Variants in CCDC142 observed in about 807,000 individuals in gnomAD.
CCDC142 encodes coiled-coil domain-containing protein 142.
Under a neutral mutation model 83.8 loss-of-function variants are expected in CCDC142, and 67 were observed. The ratio of observed to expected loss-of-function variants is 0.80; its 90% CI spans 0.66 to 0.98. The LOEUF (loss-of-function observed/expected upper bound fraction) is 0.98. Among genes scored for constraint, CCDC142 ranks in the 50% least tolerant of loss-of-function variants. CCDC142 has a pLI of 0.00. For missense variants in CCDC142, 905 were observed against 946.8 expected (o/e 0.96, Z 0.58); for synonymous variants, 421 against 421.2 (o/e 1.00, Z 0.01).
chr2:74,478,948 C>A (rs141511394), intron 5 of CCDC142, among the ~76,000 whole-genome samples: 1,755 of 151,620 alleles, frequency 0.012, 37 homozygotes, highest in African/African-American at 0.04. Flanking sequence ...ATCACTTGAA[C>A]CTGAGAGGTG....
chr2:74,475,007 G>A lies in CCDC142; in HGVS notation c.1905C>T (p.Leu635=), dbSNP rs367735887. Residue 635 remains leucine, a synonymous_variant, in exon 8 of 9, where the codon CTC becomes CTT. Coordinates refer to ENST00000393965, the MANE Select transcript of CCDC142 (RefSeq NM_001365575.2). ...CCCCATCCAGCTGCTGGAAGATGCT[G>A]AGCATGAGCAGGGTCTGGCGGAGAT... ...SPDLRQTLLM[L]SIFQQLDGAL... is the part of the protein sequence containing the mutation. 3.7e-6 allele frequency: 6 copies of A among 1,614,062 alleles called. No homozygotes were observed. The highest frequency in any genetic ancestry group is 5.1e-6 in the Non-Finnish European group (6 of 1,179,962).
Position 74,482,434 on chromosome 2 carries a change from C to A in CCDC142, c.404G>T (p.Ser135Ile). ...GTCGCGGCACCACTGGGGCAAGGGG[C>A]TAGGGCCGCCGGATGGCGAGCCAGG... ...LSPGSPSGGP[S>I]PLPQWCRDLQ... The change falls in exon 1 of 9, where the codon AGC becomes ATC. Residue 135 changes from serine to isoleucine, a missense_variant. This residue lies in a region of CCDC142 where 591 missense variants were observed against 571.4 expected (regional missense o/e 1.03). Transcript: ENST00000393965. This position sits in a 1 kb window ranked among gnomAD's most constrained non-coding sequence, Gnocchi z 5.0. 1 of 1,555,118 alleles carries A rather than the reference C, an allele frequency of 6.4e-7. No homozygotes were observed. Among genetic ancestry groups the A allele is most frequent in the Non-Finnish European group, 8.7e-7 (1 of 1,149,224 alleles).
At chr2:74,481,705 T>G in intron 1 of CCDC142, 112 bp downstream of exon 1, 1 of 1,396,930 alleles carries the variant, frequency 7.2e-7, no homozygotes, top group Non-Finnish European at 9.9e-7. Flanking sequence ...AACCCAGGGG[T>G]GTTCTTTCTA....
At chr2:74,480,347 G>A (rs1672413076) in intron 5 of CCDC142, among the ~76,000 whole-genome samples, 1 of 152,144 alleles carries the variant, frequency 6.6e-6, no homozygotes, top group Admixed American at 6.6e-5. Flanking sequence ...CCAGCACTTT[G>A]GGAGACCAAG....
Position 74,482,962 on chromosome 2 carries a change from T to C in CCDC142, c.-125A>G, listed in dbSNP as rs1672593633. ...TCCAGTCCGGGAGTCGCGGGGACCT[T>C]CATGGACTCTCTCGTGCTCCGTAAT... On this transcript the variant is annotated 5_prime_UTR_variant, in exon 1 of 9. Transcript: ENST00000393965. This position sits in a 1 kb window ranked among gnomAD's most constrained non-coding sequence, Gnocchi z 5.0. 1 of 1,560,714 alleles carries C rather than the reference T, an allele frequency of 6.4e-7. No homozygotes were observed. The highest frequency in any genetic ancestry group is 8.8e-7 in the Non-Finnish European group (1 of 1,139,918).
intron 5 of CCDC142, among the ~76,000 whole-genome samples, chr2:74,476,677 C>T (rs1465872004): frequency 1.3e-5 from 2 of 152,186 alleles, no homozygotes; most frequent in Non-Finnish European, 2.9e-5. Flanking sequence ...GGCCTATATG[C>T]TGGGTTTGTT....
In CCDC142 at chr2:74,474,422, T is replaced by C; in HGVS notation, c.*124A>G. ...TTAAGCCCAGGCTCTTTGTAGCTTATTCTCCAGTATGCTTTCCTCCAAGCT... is the reference window on the plus strand; with the variant it reads ...TTAAGCCCAGGCTCTTTGTAGCTTACTCTCCAGTATGCTTTCCTCCAAGCT... On this transcript the variant is annotated 3_prime_UTR_variant, in exon 9 of 9. Transcript: ENST00000393965. 2 of 1,250,320 alleles carry C rather than the reference T, an allele frequency of 1.6e-6. No homozygotes were observed. Among genetic ancestry groups the C allele is most frequent in the East Asian group, 2.4e-5 (1 of 41,044 alleles). The allele number at this position is 1,250,320 out of a possible 1,614,324, so 77.5% of individuals were successfully genotyped here.
rs1386280521 is a variant in CCDC142, at chr2:74,482,892, CG to C, written c.-56del. 2 of 1,567,118 alleles carry C rather than the reference CG, an allele frequency of 1.3e-6. No homozygotes were observed. The highest frequency in any genetic ancestry group is 1.7e-6 in the Non-Finnish European group (2 of 1,160,730). ...ATTCCCACTTCCCTGCACGGACCAA[CG>C]CCCGCCGCAGCTCGGACTTCGCCCC... On this transcript the variant is annotated 5_prime_UTR_variant, in exon 1 of 9. The change abolishes the stop of an existing upstream ORF in the 5' untranslated region. Transcript: ENST00000393965. This position sits in a 1 kb window ranked among gnomAD's most constrained non-coding sequence, Gnocchi z 5.0.
chr2:74,476,652 C>T (rs186540421), intron 5 of CCDC142, among the ~76,000 whole-genome samples: 1 of 152,282 alleles, frequency 6.6e-6, no homozygotes, highest in East Asian at 1.9e-4. Context: ...CAATATAACC[C>T]ATAAAGCAAG....
rs1672516595 is a variant in CCDC142 at position 74,482,172 on chromosome 2, G to T, written c.666C>A (p.His222Gln). 4.3e-6 allele frequency: 7 copies of T among 1,613,724 alleles called. No homozygotes were observed. The highest frequency in any genetic ancestry group is 5.9e-6 in the Non-Finnish European group (7 of 1,179,938). ...YHTLQRKALS[H>Q]VPGAARPFPT... ...GGAAAGGACGTGCGGCCCCTGGGAC[G>T]TGGCTCAAGGCTTTTCTCTGTAGTG... The change falls in exon 1 of 9, where the codon CAC becomes CAA. Residue 222 changes from histidine to glutamine, a missense_variant. Transcript: ENST00000393965. This position sits in a 1 kb window ranked among gnomAD's most constrained non-coding sequence, Gnocchi z 5.0.
chr2:74,475,235 T>C lies in CCDC142; in HGVS notation c.1786A>G (p.Ile596Val). 1 of 1,614,060 alleles carries C rather than the reference T, an allele frequency of 6.2e-7. No homozygotes were observed. The highest frequency in any genetic ancestry group is 8.5e-7 in the Non-Finnish European group (1 of 1,180,002). ...AWLDHILTHGIRFSLQGALQL... is the reference protein window; with the variant it reads ...AWLDHILTHGVRFSLQGALQL... The stretch of plus-strand genomic sequence containing the variant: ...ACCTTTACTCCTGACCTGAACCGAA[T>C]CCCATGGGTAAGAATGTGGTCAAGC... The change falls in exon 7 of 9, where the codon ATT becomes GTT. Residue 596 changes from isoleucine (I) to valine (V), a missense_variant. Physicochemically the swap from Ile to Val is conservative, Grantham distance 29 (BLOSUM62 3). Transcript: ENST00000393965.
At chr2:74,476,128 G>A (rs1672320525) in intron 5 of CCDC142, among the ~76,000 whole-genome samples, 1 of 146,552 alleles carries the variant, frequency 6.8e-6, no homozygotes, top group South Asian at 2.2e-4. Context: ...AAGAGGGATT[G>A]TATGATCTGC....
At chr2:74,477,264 C>A (rs1413709349) in intron 5 of CCDC142, among the ~76,000 whole-genome samples, 2 of 152,090 alleles carry the variant, frequency 1.3e-5, no homozygotes, top group Non-Finnish European at 2.9e-5. Flanking sequence ...ATTACAGGCA[C>A]CCGTCACCAT....
Position 74,482,599 on chromosome 2 carries a change from C to T in CCDC142, c.239G>A (p.Gly80Asp), listed in dbSNP as rs1223899303. 6.2e-7 allele frequency: 1 copy of T among 1,604,412 alleles called. No individual in the cohort carries two copies. Among genetic ancestry groups the T allele is most frequent in the East Asian group, 2.2e-5 (1 of 44,710 alleles). Residue 80 changes from glycine (G) to aspartate (D), a missense_variant, in exon 1 of 9, where the codon GGT becomes GAT. Gly to Asp is a moderately conservative substitution (Grantham distance 94, BLOSUM62 -1). Transcript: ENST00000393965. The surrounding 1 kb of genome is among the most constrained non-coding windows in gnomAD (Gnocchi z 5.0). ...CAGCGCGGGAGGGATCGGGCCGCCA[C>T]CTGCGGGCCCCCGCCTCCAGGCCGC... ...DAAAWRRGPA[G>D]GGPIPPALQR...
At chr2:74,477,971 C>G (rs1270374478) in intron 5 of CCDC142, among the ~76,000 whole-genome samples, 1 of 143,954 alleles carries the variant, frequency 6.9e-6, no homozygotes, top group African/African-American at 2.6e-5. Context: ...GGCTATGTCA[C>G]GAGCCAAACT....
rs906647640 is a variant in CCDC142 at position 74,472,962 on chromosome 2, G to A, written c.*1584C>T. On this transcript the variant is annotated 3_prime_UTR_variant, in exon 9 of 9. Coordinates refer to ENST00000393965, the MANE Select transcript of CCDC142 (RefSeq NM_001365575.2). ...CAAAAACCTCTTTGCACGAAAATAC[G>A]CCCGTTTTCTGCAGCCTTTCCCCTT... is the stretch of plus-strand genomic sequence containing the variant. The A allele has an allele frequency of 4.4e-6, 2 of 453,138 alleles. No homozygotes were observed. The highest frequency in any genetic ancestry group is 4.0e-5 in the African/African-American group (2 of 50,068). 28.1% of individuals were successfully genotyped at this position (453,138 alleles called of 1,614,324 possible).
rs1672559585 is a variant in CCDC142 at position 74,482,575 on chromosome 2, A to G, written c.263T>C (p.Leu88Pro). ...PAGGGPIPPA[L>P]QRLRAVLLRL... ...CAGCAACACCGCCCGGAGACGCTGC[A>G]GCGCGGGAGGGATCGGGCCGCCACC... The change falls in exon 1 of 9, where the codon CTG (leucine) becomes CCG (proline). Residue 88 changes from leucine to proline, a missense_variant. Coordinates refer to ENST00000393965, the MANE Select transcript of CCDC142 (RefSeq NM_001365575.2). The surrounding 1 kb of genome is among the most constrained non-coding windows in gnomAD (Gnocchi z 5.0). 1.2e-6 allele frequency: 2 copies of G among 1,602,476 alleles called. No individual in the cohort carries two copies. Among genetic ancestry groups the G allele is most frequent in the South Asian group, 2.2e-5 (2 of 90,274 alleles).
intron 1 of CCDC142, 65 bp from the exon 2 acceptor site, chr2:74,481,603 C>CA (rs1373001021): frequency 1.3e-6 from 2 of 1,497,548 alleles, no homozygotes; most frequent in Admixed American, 3.4e-5. Flanking sequence ...CCTGCCCACT[C>CA]AATGATGAGG....
intron 7 of CCDC142, 43 bp from the exon 8 acceptor site, chr2:74,475,158 C>G (rs1415910248): frequency 6.2e-7 from 1 of 1,612,382 alleles, no homozygotes; most frequent in South Asian, 1.1e-5. Context: ...CCTCCTGCCT[C>G]TCCCACTTAT....
Sources: gnomAD v4.1 joint callset for allele counts (sites outside exome capture counted in the v4.1 genomes callset) on GRCh38, gnomAD v4.1.1 for gene constraint, gnomAD v4.1.1 regional missense constraint, Gnocchi (gnomAD v3.1) non-coding constraint, MANE v1.5 for transcripts, NCBI Gene and HGNC (gene_info 2026-07-23, HGNC 2026-07-21) for gene names.